Variants in CLIC4 observed in about 807,000 individuals in gnomAD.
The protein encoded by CLIC4 is chloride intracellular channel protein 4.
In CLIC4, 13 loss-of-function variants were observed where a neutral mutation model predicts 24.6. The ratio of observed to expected loss-of-function variants is 0.53; its 90% CI spans 0.34 to 0.84. The LOEUF (loss-of-function observed/expected upper bound fraction) is 0.84. CLIC4 is among the 40% of genes least tolerant of loss of function. The pLI is 0.01. For missense variants in CLIC4, 227 were observed against 301.7 expected (o/e 0.75, Z 1.83); for synonymous variants, 104 against 111.3 (o/e 0.93, Z 0.41).
chr1:24,793,568 T>C (rs1639364254), intron 1 of CLIC4, among the ~76,000 whole-genome samples: 1 of 152,252 alleles, frequency 6.6e-6, no homozygotes. Context: ...AGGTTATTTG[T>C]AATCACAGTA....
At chr1:24,802,252 G>A (rs1006672512) in intron 2 of CLIC4, among the ~76,000 whole-genome samples, 1 of 152,086 alleles carries the variant, frequency 6.6e-6, no homozygotes, top group Non-Finnish European at 1.5e-5. Flanking sequence ...TTTCAGAGTT[G>A]TCTGTTTCTT....
chr1:24,839,032 T>C (rs1639913503), intron 4 of CLIC4, among the ~76,000 whole-genome samples: 1 of 152,212 alleles, frequency 6.6e-6, no homozygotes, highest in Non-Finnish European at 1.5e-5. Flanking sequence ...GATAGTGCTA[T>C]TCTTGGCTTC....
At chr1:24,756,116 C>T (rs1470793123) in intron 1 of CLIC4, among the ~76,000 whole-genome samples, 1 of 151,766 alleles carries the variant, frequency 6.6e-6, no homozygotes, top group African/African-American at 2.4e-5. Flanking sequence ...TCTCCTGCCT[C>T]AGCCTCCCGA....
intron 4 of CLIC4, among the ~76,000 whole-genome samples, chr1:24,827,801 T>A (rs1639801943): frequency 6.6e-6 from 1 of 152,168 alleles, no homozygotes; most frequent in South Asian, 2.1e-4. Context: ...GAATGTATAG[T>A]GTAGGGAGGT....
At chr1:24,810,775 C>G (rs537691963) in intron 2 of CLIC4, among the ~76,000 whole-genome samples, 24 of 151,500 alleles carry the variant, frequency 1.6e-4, no homozygotes, top group South Asian at 4.2e-4. Context: ...AAAAAAAAAT[C>G]CTGAGAAATT....
chr1:24,756,419 TTGAAATACAAGCTGTTTCTTGAAGC>T (rs1638850828), intron 1 of CLIC4, among the ~76,000 whole-genome samples: 2 of 152,344 alleles, frequency 1.3e-5, no homozygotes, highest in East Asian at 3.9e-4. Flanking sequence ...TTTCTTGAAG[TTGAAATACAAGCTGTTTCTTGAAGC>T]TGAAATAAAC....
intron 1 of CLIC4, among the ~76,000 whole-genome samples, chr1:24,783,146 C>T (rs377467163): frequency 1.0e-3 from 159 of 152,242 alleles, no homozygotes; most frequent in Middle Eastern, 3.4e-3. Context: ...TGTGGATTCC[C>T]TAAGAGTAGG....
chr1:24,808,446 G>A (rs1424613726), intron 2 of CLIC4, among the ~76,000 whole-genome samples: 1 of 152,094 alleles, frequency 6.6e-6, no homozygotes, highest in African/African-American at 2.4e-5. Flanking sequence ...TCATTACACT[G>A]TGTTTAGGGA....
At chr1:24,783,447 A>T (rs1307844657) in intron 1 of CLIC4, among the ~76,000 whole-genome samples, 1 of 152,142 alleles carries the variant, frequency 6.6e-6, no homozygotes, top group Non-Finnish European at 1.5e-5. Flanking sequence ...CACGCCTGTA[A>T]TCCTAGCACT....
chr1:24,797,432 G>A (rs901848568), intron 1 of CLIC4, among the ~76,000 whole-genome samples: 5 of 151,426 alleles, frequency 3.3e-5, no homozygotes, highest in African/African-American at 9.7e-5. Context: ...AAAATTAGCC[G>A]GGATGGTGGT....
intron 1 of CLIC4, among the ~76,000 whole-genome samples, chr1:24,784,780 C>T (rs761051791): frequency 7.9e-5 from 12 of 152,108 alleles, no homozygotes; most frequent in Non-Finnish European, 1.2e-4. Flanking sequence ...CCGAGGCAGG[C>T]GGATCACGAG....
In CLIC4 at chr1:24,765,471, A is replaced by G. The variant is rs549986140; in HGVS notation, c.72+19846A>G. ...AGAAATAGGTCGAGAGGGTGATGCA[A>G]ATGACTGGGCTCAGTTCATATTTTA... is the stretch of plus-strand genomic sequence containing the variant. On this transcript the variant is annotated intron_variant, in intron 1 of 5. Coordinates refer to ENST00000374379, the MANE Select transcript of CLIC4 (RefSeq NM_013943.3). Among the ~76,000 whole-genome samples the G allele has an allele frequency of 7.9e-5, 12 of 152,300 alleles. No homozygotes were observed. In the South Asian group the frequency reaches 2.3e-3, roughly 29 times the overall value.
At chr1:24,758,059 C>CTA (rs1362586574) in intron 1 of CLIC4, among the ~76,000 whole-genome samples, 1 of 152,120 alleles carries the variant, frequency 6.6e-6, no homozygotes, top group Non-Finnish European at 1.5e-5. Flanking sequence ...GTGCCCAGCC[C>CTA]TATTTAGCCT....
At position 24,797,865 on chromosome 1, in the gene CLIC4, G is replaced by A. The variant is rs1412594038; in HGVS notation, c.182+14G>A. 2.3e-5 allele frequency: 36 copies of A among 1,563,230 alleles called. No individual in the cohort carries two copies. The highest frequency in any genetic ancestry group is 3.0e-5 in the Non-Finnish European group (34 of 1,138,164). ...TGACCTGAAAAGGTAAGACATGGTCGCAGTTTGCAATCAACTTAAGCTGAA... is the reference window on the plus strand; with the variant it reads ...TGACCTGAAAAGGTAAGACATGGTCACAGTTTGCAATCAACTTAAGCTGAA... On this transcript the variant is annotated intron_variant, in intron 2 of 5. Coordinates refer to ENST00000374379, the MANE Select transcript of CLIC4 (RefSeq NM_013943.3).
At chr1:24,777,594 C>G (rs1033673199) in intron 1 of CLIC4, among the ~76,000 whole-genome samples, 1 of 152,158 alleles carries the variant, frequency 6.6e-6, no homozygotes, top group African/African-American at 2.4e-5. Flanking sequence ...GGTACATCAT[C>G]TTTAGTATCT....
At chr1:24,826,401 C>A (rs1463261084) in intron 3 of CLIC4, among the ~76,000 whole-genome samples, 3 of 152,170 alleles carry the variant, frequency 2.0e-5, no homozygotes, top group Non-Finnish European at 4.4e-5. Context: ...AGCCTAGGCG[C>A]TTTTCCTGCC....
At chr1:24,774,433 G>A (rs1162121284) in intron 1 of CLIC4, among the ~76,000 whole-genome samples, 1 of 152,128 alleles carries the variant, frequency 6.6e-6, no homozygotes, top group Non-Finnish European at 1.5e-5. Flanking sequence ...CTTTAAAGAT[G>A]GTTTTGTTGG....
chr1:24,772,838 C>G (rs1004382663), intron 1 of CLIC4, among the ~76,000 whole-genome samples: 1 of 152,120 alleles, frequency 6.6e-6, no homozygotes, highest in Non-Finnish European at 1.5e-5. Context: ...AAAATTAAAA[C>G]AAATGAGGAA....
chr1:24,775,224 C>CTTTTTTTTTTTTTTTTTTT, intron 1 of CLIC4, among the ~76,000 whole-genome samples: 5 of 90,662 alleles, frequency 5.5e-5, no homozygotes, highest in Admixed American at 2.7e-4. Context: ...TTCTTTCTTT[C>CTTTTTTTTTTTTTTTTTTT]TTTTTTTTTT....
Sources: gnomAD v4.1 joint callset for allele counts (sites outside exome capture counted in the v4.1 genomes callset) on GRCh38, gnomAD v4.1.1 for gene constraint, MANE v1.5 for transcripts, NCBI Gene and HGNC (gene_info 2026-07-23, HGNC 2026-07-21) for gene names.